CSMD1: variants seen among roughly 807,000 people sequenced by gnomAD.
CSMD1 encodes CUB and sushi domain-containing protein 1.
Under a neutral mutation model 417.5 loss-of-function variants are expected in CSMD1, and 213 were observed. The observed-to-expected ratio is 0.51, with a 90% CI of 0.46 to 0.57. CSMD1 has a LOEUF of 0.57. Among genes scored for constraint, CSMD1 ranks in the 20% least tolerant of loss-of-function variants. The pLI, the probability that CSMD1 is intolerant of heterozygous loss-of-function variation, is 0.00. For missense variants in CSMD1, 6,923 were observed against 4,529.7 expected (o/e 1.53, Z -15.17); for synonymous variants, 2,862 against 1,736.8 (o/e 1.65, Z -16.11).
intron 3 of CSMD1, among the ~76,000 whole-genome samples, chr8:4,295,160 A>G (rs1005283774): frequency 6.9e-6 from 1 of 144,950 alleles, no homozygotes; most frequent in Non-Finnish European, 1.5e-5. Context: ...TTACGCACAT[A>G]TAATCTTAAG....
intron 2 of CSMD1, among the ~76,000 whole-genome samples, chr8:4,443,666 G>C (rs925239021): frequency 2.0e-5 from 3 of 152,184 alleles, no homozygotes; most frequent in African/African-American, 7.2e-5. Flanking sequence ...TAAAGAAATA[G>C]CATTTATACC....
intron 1 of CSMD1, among the ~76,000 whole-genome samples, chr8:4,870,898 C>T (rs1216292291): frequency 2.6e-5 from 4 of 152,146 alleles, no homozygotes; most frequent in African/African-American, 9.7e-5. Context: ...GCCCTTTGGG[C>T]TTCAACCATG....
chr8:3,843,502 G>C (rs1394676702), intron 5 of CSMD1, among the ~76,000 whole-genome samples: 1 of 151,848 alleles, frequency 6.6e-6, no homozygotes, highest in Non-Finnish European at 1.5e-5. Flanking sequence ...TGAAACATGA[G>C]ACAGATATGA....
intron 3 of CSMD1, among the ~76,000 whole-genome samples, chr8:4,342,542 A>C (rs1237939506): frequency 6.6e-6 from 1 of 152,032 alleles, no homozygotes; most frequent in African/African-American, 2.4e-5. Context: ...GATGTATGAC[A>C]TTTGCCCAGT....
intron 12 of CSMD1, among the ~76,000 whole-genome samples, chr8:3,425,349 G>GGAGGCT (rs1406304793): frequency 6.6e-6 from 1 of 151,592 alleles, no homozygotes; most frequent in Non-Finnish European, 1.5e-5. Flanking sequence ...CAGCACTTTG[G>GGAGGCT]GAGGCTGAGG....
chr8:4,651,895 T>G (rs369043234), intron 1 of CSMD1, among the ~76,000 whole-genome samples: 7 of 152,140 alleles, frequency 4.6e-5, no homozygotes, highest in African/African-American at 1.7e-4. Context: ...GGGAGAGACA[T>G]TAGATTATCT....
At chr8:3,893,609 G>C (rs1442002812) in intron 5 of CSMD1, among the ~76,000 whole-genome samples, 2 of 151,482 alleles carry the variant, frequency 1.3e-5, no homozygotes, top group African/African-American at 4.8e-5. Context: ...TCCACCATTA[G>C]AATCTACTTA....
chr8:3,189,048 T>G, intron 34 of CSMD1, 37 bp from the exon 35 acceptor site: 1 of 1,584,990 alleles, frequency 6.3e-7, no homozygotes, highest in Non-Finnish European at 8.6e-7. Context: ...AATAAAGTGC[T>G]GTGGGACAGT....
At chr8:3,431,280 T>C (rs1814202347) in intron 12 of CSMD1, among the ~76,000 whole-genome samples, 1 of 152,158 alleles carries the variant, frequency 6.6e-6, no homozygotes. Context: ...ATGTCACACC[T>C]GGGCCATCAC....
intron 1 of CSMD1, among the ~76,000 whole-genome samples, chr8:4,964,775 G>C (rs968522380): frequency 6.6e-6 from 1 of 152,118 alleles, no homozygotes. Flanking sequence ...AACTCATTTT[G>C]TGAATGAAAT....
intron 2 of CSMD1, among the ~76,000 whole-genome samples, chr8:4,531,741 A>G (rs1446011902): frequency 6.6e-6 from 1 of 152,158 alleles, no homozygotes; most frequent in Non-Finnish European, 1.5e-5. Context: ...ATACCATGAA[A>G]TTCACTCTCT....
At chr8:3,640,775 C>G (rs536948835) in intron 7 of CSMD1, among the ~76,000 whole-genome samples, 2 of 152,246 alleles carry the variant, frequency 1.3e-5, no homozygotes, top group South Asian at 4.1e-4. Flanking sequence ...TTCACAGCCC[C>G]TGTGTGGGGA....
intron 1 of CSMD1, among the ~76,000 whole-genome samples, chr8:4,953,194 G>A (rs773082984): frequency 6.6e-6 from 1 of 152,154 alleles, no homozygotes; most frequent in South Asian, 2.1e-4. Context: ...ACTCATTGTA[G>A]GAGGAAAATC....
intron 3 of CSMD1, among the ~76,000 whole-genome samples, chr8:4,193,907 G>A (rs997738248): frequency 1.3e-5 from 2 of 151,824 alleles, no homozygotes; most frequent in African/African-American, 4.8e-5. Context: ...AAGGAAAGCG[G>A]CAGGAGAAAG....
intron 41 of CSMD1, among the ~76,000 whole-genome samples, chr8:3,135,061 C>T (rs1344714913): frequency 1.3e-5 from 2 of 152,090 alleles, no homozygotes; most frequent in East Asian, 3.9e-4. Context: ...GTAGCCAGGA[C>T]CACGGGTGTC....
At chr8:4,925,309 C>G (rs1236927344) in intron 1 of CSMD1, among the ~76,000 whole-genome samples, 3 of 134,522 alleles carry the variant, frequency 2.2e-5, no homozygotes, top group Non-Finnish European at 4.6e-5. Context: ...TTTCCAGACA[C>G]AAGTAGGTGG....
chr8:3,659,250 G>C (rs1462567463), intron 7 of CSMD1, among the ~76,000 whole-genome samples: 2 of 152,154 alleles, frequency 1.3e-5, no homozygotes, highest in Admixed American at 6.6e-5. Context: ...ATTCCTATGA[G>C]AACATGATAA....
intron 8 of CSMD1, among the ~76,000 whole-genome samples, chr8:3,608,763 C>A (rs1158872667): frequency 3.7e-4 from 51 of 139,184 alleles, no homozygotes; most frequent in Admixed American, 6.5e-4. Flanking sequence ...GACTCTGTCT[C>A]AAAAAAAAAA....
chr8:3,945,802 C>T (rs979743998), intron 5 of CSMD1, among the ~76,000 whole-genome samples: 1 of 152,058 alleles, frequency 6.6e-6, no homozygotes, highest in Admixed American at 6.6e-5. Context: ...TTTCAGACTT[C>T]ACACACCAAC....
Sources: allele counts gnomAD v4.1 joint callset (sites outside exome capture counted in the v4.1 genomes callset), GRCh38; gene constraint gnomAD v4.1.1; transcripts MANE v1.5; gene names NCBI Gene and HGNC (gene_info 2026-07-23, HGNC 2026-07-21).